Variants in GNAQ observed in about 807,000 individuals in gnomAD.
The protein encoded by GNAQ is guanine nucleotide-binding protein G(q) subunit alpha.
A neutral mutation model predicts 43.9 loss-of-function variants in GNAQ; 8 were observed. The ratio of observed to expected loss-of-function variants is 0.18; its 90% CI spans 0.11 to 0.33. The LOEUF (loss-of-function observed/expected upper bound fraction) is 0.33, where lower values mean the gene tolerates loss of function less well. Among genes scored for constraint, GNAQ ranks in the 10% least tolerant of loss-of-function variants. The pLI is 1.00. For missense variants in GNAQ, 158 were observed against 450.8 expected (o/e 0.35, Z 5.88); for synonymous variants, 155 against 170.7 (o/e 0.91, Z 0.71).
intron 1 of GNAQ, among the ~76,000 whole-genome samples, chr9:77,991,574 T>C (rs1296307717): frequency 6.6e-6 from 1 of 152,196 alleles, no homozygotes; most frequent in Non-Finnish European, 1.5e-5. Flanking sequence ...TAAAAATCTT[T>C]TTTTAATTTC....
At chr9:78,025,530 A>G (rs971413722) in intron 1 of GNAQ, among the ~76,000 whole-genome samples, 15 of 152,204 alleles carry the variant, frequency 9.9e-5, no homozygotes, top group Admixed American at 9.8e-4. Flanking sequence ...AGGCATTACA[A>G]AAGTTTTCCT....
intron 1 of GNAQ, among the ~76,000 whole-genome samples, chr9:77,971,076 A>C (rs1344979973): frequency 2.6e-5 from 4 of 152,222 alleles, no homozygotes; most frequent in Non-Finnish European, 1.5e-5. Context: ...AGACTAAACC[A>C]GGAAGAAGTT....
chr9:77,972,679 T>TAA (rs1823250668), intron 1 of GNAQ, among the ~76,000 whole-genome samples: 1 of 152,094 alleles, frequency 6.6e-6, no homozygotes, highest in Admixed American at 6.6e-5. Context: ...ACTGGCCAGT[T>TAA]ACGGTAGCTC....
At chr9:77,790,215 T>G (rs1826545397) in intron 5 of GNAQ, among the ~76,000 whole-genome samples, 1 of 152,198 alleles carries the variant, frequency 6.6e-6, no homozygotes, top group Admixed American at 6.5e-5. Flanking sequence ...TAACCTAAGC[T>G]TTTACTTTTA....
chr9:77,973,024 AAAAAAC>A (rs1823257147), intron 1 of GNAQ, among the ~76,000 whole-genome samples: 2 of 152,130 alleles, frequency 1.3e-5, no homozygotes, highest in South Asian at 2.1e-4. Context: ...GAAAAAAAAA[AAAAAAC>A]AAGACATACC....
intron 1 of GNAQ, among the ~76,000 whole-genome samples, chr9:77,967,995 A>C (rs1823190684): frequency 6.6e-6 from 1 of 152,278 alleles, no homozygotes; most frequent in South Asian, 2.1e-4. Flanking sequence ...AAATAATAAT[A>C]AACAACAACA....
At chr9:77,825,265 C>T (rs1465136529) in intron 2 of GNAQ, among the ~76,000 whole-genome samples, 1 of 152,124 alleles carries the variant, frequency 6.6e-6, no homozygotes, top group African/African-American at 2.4e-5. Flanking sequence ...CATTATCAAA[C>T]AATACAACAG....
chr9:78,025,601 C>A (rs1056245642), intron 1 of GNAQ, among the ~76,000 whole-genome samples: 2 of 152,150 alleles, frequency 1.3e-5, no homozygotes, highest in African/African-American at 4.8e-5. Context: ...TTTGTTGCTT[C>A]ACAAACTTGT....
intron 1 of GNAQ, among the ~76,000 whole-genome samples, chr9:77,998,375 C>G (rs907578585): frequency 6.6e-6 from 1 of 151,570 alleles, no homozygotes; most frequent in Non-Finnish European, 1.5e-5. Context: ...TATGAAATAC[C>G]CAAAAATGAA....
intron 5 of GNAQ, among the ~76,000 whole-genome samples, chr9:77,755,489 T>G (rs1399578880): frequency 6.6e-6 from 1 of 152,138 alleles, no homozygotes; most frequent in Non-Finnish European, 1.5e-5. Context: ...ATATATGCCA[T>G]GTACTCATAA....
At chr9:77,724,686 T>C (rs1355161214) in intron 6 of GNAQ, among the ~76,000 whole-genome samples, 2 of 152,166 alleles carry the variant, frequency 1.3e-5, no homozygotes, top group East Asian at 3.9e-4. Flanking sequence ...TATCTGATAA[T>C]GCCAGAAGAT....
chr9:78,026,562 AGCTGCTGTT>A (rs1823982811), intron 1 of GNAQ, among the ~76,000 whole-genome samples: 1 of 152,072 alleles, frequency 6.6e-6, no homozygotes, highest in Non-Finnish European at 1.5e-5. Context: ...ATTTTTAGGG[AGCTGCTGTT>A]ATTGAGGTTA....
At chr9:77,744,428 T>A (rs1825699986) in intron 5 of GNAQ, among the ~76,000 whole-genome samples, 1 of 152,202 alleles carries the variant, frequency 6.6e-6, no homozygotes, top group Non-Finnish European at 1.5e-5. Flanking sequence ...TATAACTATA[T>A]TCTTACAAAT....
chr9:77,822,865 T>C (rs1827138852), intron 2 of GNAQ, among the ~76,000 whole-genome samples: 2 of 151,468 alleles, frequency 1.3e-5, no homozygotes, highest in Admixed American at 6.6e-5. Context: ...GTTCCATTAA[T>C]AAAAATAAAG....
chr9:77,914,440 C>T (rs1000259363), intron 2 of GNAQ, among the ~76,000 whole-genome samples: 2 of 152,108 alleles, frequency 1.3e-5, no homozygotes, highest in Non-Finnish European at 2.9e-5. Context: ...GGGCGGACCA[C>T]CTGAGGTTGG....
chr9:78,016,573 C>T (rs1318360520), intron 1 of GNAQ, among the ~76,000 whole-genome samples: 4 of 151,496 alleles, frequency 2.6e-5, no homozygotes, highest in Admixed American at 1.3e-4. Flanking sequence ...CCCAGCTACT[C>T]GGGAGGGCTG....
intron 1 of GNAQ, among the ~76,000 whole-genome samples, chr9:77,962,059 A>G (rs1823112890): frequency 6.6e-6 from 1 of 152,186 alleles, no homozygotes; most frequent in African/African-American, 2.4e-5. Flanking sequence ...GATAGAAATA[A>G]GAGCAGATGA....
intron 5 of GNAQ, among the ~76,000 whole-genome samples, chr9:77,768,563 A>C (rs1344417551): frequency 2.0e-5 from 3 of 152,318 alleles, no homozygotes; most frequent in Non-Finnish European, 2.9e-5. Flanking sequence ...TACCATCTTG[A>C]GTTTCACTCT....
chr9:77,726,545 T>C (rs1261340133), intron 6 of GNAQ, among the ~76,000 whole-genome samples: 2 of 152,242 alleles, frequency 1.3e-5, no homozygotes, highest in East Asian at 1.9e-4. Flanking sequence ...TAGAAAGCTA[T>C]GAAGCTAAAT....
Sources: allele counts gnomAD v4.1 joint callset (sites outside exome capture counted in the v4.1 genomes callset), GRCh38; gene constraint gnomAD v4.1.1; transcripts MANE v1.5; gene names NCBI Gene and HGNC (gene_info 2026-07-23, HGNC 2026-07-21).